RBPMS2: variants seen among roughly 807,000 people sequenced by gnomAD.
RBPMS2 encodes the protein RNA binding protein, mRNA processing factor 2, also known as RNA-binding protein with multiple splicing 2.
Under a neutral mutation model 25.7 loss-of-function variants are expected in RBPMS2, and 14 were observed. That is an observed-to-expected ratio of 0.55 (90% CI 0.36 to 0.85). The LOEUF (loss-of-function observed/expected upper bound fraction) is 0.85, where lower values mean the gene tolerates loss of function less well. Among genes scored for constraint, RBPMS2 ranks in the 40% least tolerant of loss-of-function variants. RBPMS2 has a pLI of 0.01. For missense variants in RBPMS2, 252 were observed against 283.4 expected (o/e 0.89, Z 0.80); for synonymous variants, 127 against 115.6 (o/e 1.10, Z -0.63).
intron 1 of RBPMS2, among the ~76,000 whole-genome samples, chr15:64,760,830 C>A (rs919457356): frequency 6.6e-6 from 1 of 151,452 alleles, no homozygotes; most frequent in Non-Finnish European, 1.5e-5. Context: ...GCAAACAGAC[C>A]CTTCTCCACC....
Position 64,748,521 on chromosome 15 carries a change from C to T in RBPMS2, c.465G>A (p.Trp155Ter). 6.2e-7 allele frequency: 1 copy of T among 1,607,390 alleles called. No homozygotes were observed. Among genetic ancestry groups the T allele is most frequent in the Non-Finnish European group, 8.5e-7 (1 of 1,176,448 alleles). The stretch of plus-strand genomic sequence containing the variant: ...CTGTGGTGTACAAAGGGTAGGGGGC[C>T]CAGGCCTCTGGGGATGCAGGGATCA... ...AALIPASPEAWAPYPLYTTEL... is the reference protein window; with the variant it reads ...AALIPASPEA The change falls in exon 6 of 8, where the codon TGG becomes TGA. Residue 155 changes from tryptophan to a stop codon, truncating the protein, a stop_gained. Coordinates refer to ENST00000300069, the MANE Select transcript of RBPMS2 (RefSeq NM_194272.3). LOFTEE classifies it high-confidence loss of function.
At chr15:64,762,302 T>TC (rs2083796600) in intron 1 of RBPMS2, 1 of 488,440 alleles carries the variant, frequency 2.0e-6, no homozygotes, top group East Asian at 5.6e-5. Flanking sequence ...GACTGTCAAC[T>TC]CCCCACAGCT....
intron 6 of RBPMS2, among the ~76,000 whole-genome samples, chr15:64,744,798 G>GTTGTTTTTTTTTTTTTTT (rs2083601378): frequency 1.1e-4 from 5 of 46,290 alleles, no homozygotes; most frequent in African/African-American, 3.7e-4. Flanking sequence ...GGTTTGTTTT[G>GTTGTTTTTTTTTTTTTTT]TTTTTTTTTT....
intron 6 of RBPMS2, among the ~76,000 whole-genome samples, chr15:64,744,789 G>GTTTTTTTTTTTTTTTTTTTTTTTTT (rs1567062867): frequency 1.6e-5 from 1 of 61,604 alleles, no homozygotes; most frequent in African/African-American, 6.1e-5. Flanking sequence ...AGTTTTTTTG[G>GTTTTTTTTTTTTTTTTTTTTTTTTT]TTTGTTTTGT....
chr15:64,772,237 AT>A (rs2083897785), intron 1 of RBPMS2, among the ~76,000 whole-genome samples: 1 of 152,156 alleles, frequency 6.6e-6, no homozygotes, highest in Non-Finnish European at 1.5e-5. Context: ...TTACCCAGTT[AT>A]CCCTTGAGAA....
intron 1 of RBPMS2, among the ~76,000 whole-genome samples, chr15:64,760,114 C>T (rs1282660198): frequency 1.3e-5 from 2 of 152,212 alleles, no homozygotes; most frequent in African/African-American, 4.8e-5. Context: ...TTCCAGGGCA[C>T]ACACAGGGCC....
intron 2 of RBPMS2, 103 bp downstream of exon 2, chr15:64,751,458 G>T: frequency 1.1e-6 from 1 of 927,840 alleles, no homozygotes; most frequent in Non-Finnish European, 1.7e-6. Context: ...CTTCTGCCAC[G>T]CCTTCCCGCA....
Position 64,741,014 on chromosome 15 carries a change from G to C in RBPMS2, c.*8-14C>G, listed in dbSNP as rs1488446065. 1.7e-6 allele frequency: 1 copy of C among 577,554 alleles called. No individual in the cohort carries two copies. The highest frequency in any genetic ancestry group is 3.0e-5 in the East Asian group (1 of 33,558). The allele number at this position is 577,554 out of a possible 1,614,324, so 35.8% of individuals were successfully genotyped here. ...CGGTGACCAGACCTGGAGGGAGGGA[G>C]AGAGGCGGCCGTGAGCAGAGGCGTG... On this transcript the variant is annotated splice_polypyrimidine_tract_variant and intron_variant, in intron 7 of 7. Transcript: ENST00000300069.
intron 1 of RBPMS2, among the ~76,000 whole-genome samples, chr15:64,761,696 C>CTTTTTTTT (rs71133473): frequency 1.3e-4 from 11 of 86,676 alleles, no homozygotes; most frequent in Non-Finnish European, 1.6e-4. Context: ...CAAAGCCCAG[C>CTTTTTTTT]TTTTTTTTTT....
chr15:64,770,541 A>G (rs757343715), intron 1 of RBPMS2, among the ~76,000 whole-genome samples: 30 of 152,276 alleles, frequency 2.0e-4, no homozygotes, highest in Non-Finnish European at 3.5e-4. Flanking sequence ...CACATCCACA[A>G]TAACTCCCAG....
At chr15:64,759,337 A>G (rs1314168635) in intron 1 of RBPMS2, among the ~76,000 whole-genome samples, 1 of 152,142 alleles carries the variant, frequency 6.6e-6, no homozygotes, top group Non-Finnish European at 1.5e-5. Flanking sequence ...ACGACGGAGG[A>G]GCCTGCCCAG....
At chr15:64,772,129 C>A (rs2083896824) in intron 1 of RBPMS2, among the ~76,000 whole-genome samples, 1 of 152,050 alleles carries the variant, frequency 6.6e-6, no homozygotes. Context: ...GGATAGGGAA[C>A]CCATAGAAAT....
chr15:64,774,521 T>C (rs1247102298), intron 1 of RBPMS2, among the ~76,000 whole-genome samples: 2 of 152,222 alleles, frequency 1.3e-5, no homozygotes, highest in East Asian at 3.9e-4. Context: ...CGAGATGATT[T>C]CGCCCCTCCT....
chr15:64,748,666 C>T lies in RBPMS2; in HGVS notation c.419-99G>A, dbSNP rs2083643212. On this transcript the variant is annotated intron_variant, in intron 5 of 7. Coordinates refer to ENST00000300069, the MANE Select transcript of RBPMS2 (RefSeq NM_194272.3). ...CTATGGTTGAGCCATATGCCCCACA[C>T]TGAGGCCAGACCACCCCCAACCACA... The T allele has an allele frequency of 2.1e-6, 3 of 1,410,238 alleles. No homozygotes were observed. The African/African-American group carries it at 4.3e-5, about 20-fold the overall frequency. The allele number at this position is 1,410,238 out of a possible 1,614,324, so 87.4% of individuals were successfully genotyped here. A position where few individuals can be genotyped will look rare whatever the true frequency, so the allele number is the denominator to read the frequency against.
intron 1 of RBPMS2, chr15:64,761,327 C>G (rs2083783523): frequency 3.3e-5 from 5 of 152,220 alleles, no homozygotes. Context: ...CAGTAGCAAC[C>G]CAAATACAGA....
chr15:64,748,851 G>A, intron 5 of RBPMS2, 149 bp downstream of exon 5: 1 of 886,338 alleles, frequency 1.1e-6, no homozygotes, highest in Non-Finnish European at 1.7e-6. Context: ...TAGGCAGGCT[G>A]CAGGGGAGGG....
rs1383323350 is a variant in RBPMS2, at chr15:64,749,355, G to A, written c.267+76C>T. On this transcript the variant is annotated intron_variant, in intron 4 of 7. Transcript: ENST00000300069. ...CAAGGACTCTGCCCAGGGATGGCCG[G>A]GAAATAAGATACATCTGCACACCCA... 1.1e-5 allele frequency: 16 copies of A among 1,431,578 alleles called. No homozygotes were observed. The Admixed American group carries it at 2.6e-4, about 23-fold the overall frequency. 88.7% of individuals were successfully genotyped at this position (1,431,578 alleles called of 1,614,324 possible). A position where few individuals can be genotyped will look rare whatever the true frequency, so the allele number is the denominator to read the frequency against.
intron 6 of RBPMS2, among the ~76,000 whole-genome samples, chr15:64,743,645 G>A (rs111644681): frequency 1.3e-5 from 2 of 152,036 alleles, no homozygotes; most frequent in East Asian, 1.9e-4. Context: ...TGCCCAGGGG[G>A]GGGGGGGCTC....
Position 64,742,776 on chromosome 15 carries a change from A to C in RBPMS2, c.568-1534T>G, listed in dbSNP as rs2083574896. On this transcript the variant is annotated intron_variant, in intron 6 of 7. Coordinates refer to ENST00000300069, the MANE Select transcript of RBPMS2 (RefSeq NM_194272.3). Reference sequence around the variant, plus strand: ...AGGAGTAGAAGCTGGGCCTGCAGACAGCTCCCTTGAGGTTGGAGCAGGCAG... The same window carrying C: ...AGGAGTAGAAGCTGGGCCTGCAGACCGCTCCCTTGAGGTTGGAGCAGGCAG... Among the ~76,000 whole-genome samples, 3 of 152,174 alleles carry C rather than the reference A, an allele frequency of 2.0e-5. No homozygotes were observed. In the South Asian group the frequency reaches 6.2e-4, roughly 31 times the overall value.
Sources: allele counts gnomAD v4.1 joint callset (sites outside exome capture counted in the v4.1 genomes callset), GRCh38; gene constraint gnomAD v4.1.1; transcripts MANE v1.5; gene names NCBI Gene and HGNC (gene_info 2026-07-23, HGNC 2026-07-21).